SESTD1: variants seen among roughly 807,000 people sequenced by gnomAD.
SESTD1 encodes SEC14 domain and spectrin repeat-containing protein 1.
SESTD1 carries 43 observed loss-of-function variants against 101.7 expected under a neutral mutation model. That is an observed-to-expected ratio of 0.42 (90% confidence interval 0.33 to 0.55). The LOEUF (loss-of-function observed/expected upper bound fraction) is 0.55, where lower values mean the gene tolerates loss of function less well. SESTD1 is among the 20% of genes least tolerant of loss of function. SESTD1 has a pLI of 0.07. For missense variants in SESTD1, 647 were observed against 815.1 expected (o/e 0.79, Z 2.51); for synonymous variants, 283 against 286.8 (o/e 0.99, Z 0.13).
intron 3 of SESTD1, among the ~76,000 whole-genome samples, chr2:179,181,196 A>T (rs1053431511): frequency 2.0e-5 from 3 of 152,154 alleles, no homozygotes; most frequent in South Asian, 2.1e-4. Flanking sequence ...CTTCCTGCTT[A>T]TCCACGCCAG....
intron 1 of SESTD1, among the ~76,000 whole-genome samples, chr2:179,240,300 TA>T (rs572829866): frequency 1.7e-3 from 259 of 152,300 alleles, no homozygotes; most frequent in South Asian, 0.016. Context: ...GGAGGTTTTC[TA>T]AAAGGAGTGA....
intron 1 of SESTD1, among the ~76,000 whole-genome samples, chr2:179,200,752 A>T (rs1323234569): frequency 7.4e-6 from 1 of 135,452 alleles, no homozygotes; most frequent in Non-Finnish European, 1.6e-5. Context: ...CCTTCCTTAC[A>T]CCTTATACAA....
chr2:179,238,017 C>G (rs184333853), intron 1 of SESTD1, among the ~76,000 whole-genome samples: 3 of 152,202 alleles, frequency 2.0e-5, no homozygotes, highest in African/African-American at 4.8e-5. Context: ...AGAGCCTTAC[C>G]AATAACATAA....
chr2:179,246,418 C>T (rs2047232392), intron 1 of SESTD1, among the ~76,000 whole-genome samples: 1 of 152,058 alleles, frequency 6.6e-6, no homozygotes, highest in Admixed American at 6.6e-5. Flanking sequence ...ATATGTGAAG[C>T]AAAAACTAAA....
chr2:179,186,175 T>C (rs2046229343), intron 2 of SESTD1, among the ~76,000 whole-genome samples: 2 of 151,250 alleles, frequency 1.3e-5, no homozygotes, highest in Admixed American at 1.3e-4. Flanking sequence ...GGACAGGACA[T>C]AAAAAAGAAT....
intron 5 of SESTD1, among the ~76,000 whole-genome samples, chr2:179,166,889 C>T (rs940951956): frequency 7.9e-5 from 12 of 152,194 alleles, no homozygotes; most frequent in Middle Eastern, 3.2e-3. Flanking sequence ...GAACTCAACC[C>T]TTCTCTTATG....
At chr2:179,252,095 G>C (rs537559464) in intron 1 of SESTD1, among the ~76,000 whole-genome samples, 45 of 152,312 alleles carry the variant, frequency 3.0e-4, no homozygotes, top group African/African-American at 1.1e-3. Context: ...GTAACTGATA[G>C]GCTTAAATAT....
chr2:179,155,090 T>C (rs1174939972), intron 5 of SESTD1, among the ~76,000 whole-genome samples: 1 of 151,912 alleles, frequency 6.6e-6, no homozygotes, highest in East Asian at 1.9e-4. Flanking sequence ...TTTTTTTTTG[T>C]TTTTTAGTAG....
In SESTD1 at chr2:179,169,012, G is replaced by A. The variant is rs1034981951; in HGVS notation, c.369+3108C>T. On this transcript the variant is annotated intron_variant, in intron 5 of 17. Coordinates refer to ENST00000428443, the MANE Select transcript of SESTD1 (RefSeq NM_178123.5). ...GAGACATAAATTACAAGCCAATAAC[G>A]GAGTGAGGTGTAATTATAAAAAATA... Among the ~76,000 whole-genome samples the A allele has an allele frequency of 3.3e-5, 5 of 152,064 alleles. No individual in the cohort carries two copies. In the East Asian group the frequency reaches 7.7e-4, roughly 23 times the overall value.
At position 179,213,727 on chromosome 2, in the gene SESTD1, A is replaced by G. The variant is rs1220601385; in HGVS notation, c.-25-21861T>C. Among the ~76,000 whole-genome samples, 4 of 135,460 alleles carry G rather than the reference A, an allele frequency of 3.0e-5. 1 individual carries two copies. The highest frequency in any genetic ancestry group is 5.8e-5 in the African/African-American group (2 of 34,334). The allele number at this position is 135,460 out of a possible 152,430, so 88.9% of individuals were successfully genotyped here. A position where few individuals can be genotyped will look rare whatever the true frequency, so the allele number is the denominator to read the frequency against. On this transcript the variant is annotated intron_variant, in intron 1 of 17. Transcript: ENST00000428443. ...TCACCAAGGTTGAAATGAAGGAAAA[A>G]ATGTTAAAGACAACCATAGAGAAAG...
At chr2:179,183,708 T>C (rs184724287) in intron 2 of SESTD1, among the ~76,000 whole-genome samples, 11 of 152,058 alleles carry the variant, frequency 7.2e-5, no homozygotes. Context: ...GGTATTGGCG[T>C]GTCTGTAGTC....
At chr2:179,226,674 T>C (rs567807671) in intron 1 of SESTD1, among the ~76,000 whole-genome samples, 1 of 152,328 alleles carries the variant, frequency 6.6e-6, no homozygotes, top group South Asian at 2.1e-4. Flanking sequence ...ATTTTGGGCA[T>C]GATGCATATT....
rs2047540802 is a variant in SESTD1 at position 179,264,815 on chromosome 2, G to C, written c.-342C>G. On this transcript the variant is annotated 5_prime_UTR_variant, in exon 1 of 18. Coordinates refer to ENST00000428443, the MANE Select transcript of SESTD1 (RefSeq NM_178123.5). ...GTGACGGCGGTACAGCAACCCGCCC[G>C]GCGCGGGAAGGAGGAAGGAGGCGGG... 6.6e-6 allele frequency: 1 copy of C among 151,612 alleles called. No homozygotes were observed. Among genetic ancestry groups the C allele is most frequent in the Non-Finnish European group, 1.5e-5 (1 of 67,802 alleles). The allele number at this position is 151,612 out of a possible 1,614,324, so 9.4% of individuals were successfully genotyped here.
intron 1 of SESTD1, among the ~76,000 whole-genome samples, chr2:179,259,900 T>C (rs948248828): frequency 6.6e-6 from 1 of 152,304 alleles, no homozygotes; most frequent in African/African-American, 2.4e-5. Flanking sequence ...GTTTAGTCAA[T>C]GATTTTACCT....
At chr2:179,165,250 G>C (rs2045815836) in intron 5 of SESTD1, among the ~76,000 whole-genome samples, 1 of 152,178 alleles carries the variant, frequency 6.6e-6, no homozygotes, top group African/African-American at 2.4e-5. Flanking sequence ...ATTGATATAA[G>C]AAGTTTTAAT....
At chr2:179,223,288 G>A (rs1281943870) in intron 1 of SESTD1, among the ~76,000 whole-genome samples, 1 of 152,134 alleles carries the variant, frequency 6.6e-6, no homozygotes, top group Admixed American at 6.5e-5. Context: ...AGTGGGTATG[G>A]AGAGTGACTG....
intron 2 of SESTD1, 42 bp from the exon 3 acceptor site, chr2:179,183,230 A>T: frequency 7.8e-7 from 1 of 1,283,682 alleles, no homozygotes; most frequent in Non-Finnish European, 1.1e-6. Flanking sequence ...AATACATATT[A>T]AGGCATAATC....
intron 8 of SESTD1, among the ~76,000 whole-genome samples, chr2:179,144,517 G>A (rs1390912176): frequency 6.6e-6 from 1 of 151,988 alleles, no homozygotes; most frequent in Non-Finnish European, 1.5e-5. Context: ...AACTACAATT[G>A]TAGAATGTGC....
chr2:179,121,851 C>T lies in SESTD1; in HGVS notation c.1361G>A (p.Gly454Glu). The T allele has an allele frequency of 1.9e-6, 3 of 1,610,104 alleles. No homozygotes were observed. The highest frequency in any genetic ancestry group is 2.5e-6 in the Non-Finnish European group (3 of 1,178,224). Residue 454 changes from glycine (G) to glutamate (E), a missense_variant, in exon 13 of 18, where the codon GGA becomes GAA. By Grantham distance (98) the Gly-to-Glu change is moderately conservative. Transcript: ENST00000428443. ...TTTATTTTCAATGGTTACATCCTTT[C>T]CATAGGCCCAGGATGCCTGATTGGA... ...QISNQASWAY[G>E]KDVTIENKEN...
Sources: gnomAD v4.1 joint callset for allele counts (sites outside exome capture counted in the v4.1 genomes callset) on GRCh38, gnomAD v4.1.1 for gene constraint, MANE v1.5 for transcripts, NCBI Gene and HGNC (gene_info 2026-07-23, HGNC 2026-07-21) for gene names.